DAB1: variants seen among roughly 807,000 people sequenced by gnomAD.
DAB1 encodes the protein DAB adaptor protein 1.
In DAB1, 15 loss-of-function variants were observed where a neutral mutation model predicts 64.6. The ratio of observed to expected loss-of-function variants is 0.23; its 90% CI spans 0.16 to 0.36. The LOEUF (loss-of-function observed/expected upper bound fraction) is 0.36, where lower values mean the gene tolerates loss of function less well. DAB1 is among the 10% of genes least tolerant of loss of function. DAB1 has a pLI of 1.00. For missense variants in DAB1, 596 were observed against 706.7 expected (o/e 0.84, Z 1.78); for synonymous variants, 235 against 251.9 (o/e 0.93, Z 0.64).
intron 1 of DAB1, among the ~76,000 whole-genome samples, chr1:57,306,069 CTGT>C (rs1674135162): frequency 6.6e-6 from 1 of 152,024 alleles, no homozygotes; most frequent in South Asian, 2.1e-4. Context: ...ATTCCCCATG[CTGT>C]TACTTCTTTA....
exon 2 of DAB1, chr1:57,826,117 G>C (rs1180451040): frequency 6.6e-6 from 1 of 152,198 alleles, no homozygotes; most frequent in African/African-American, 2.4e-5. Flanking sequence ...CTCAGAAGAA[G>C]GAAACAGAGA....
chr1:57,282,525 A>C (rs1409895875), intron 2 of DAB1, among the ~76,000 whole-genome samples: 1 of 152,226 alleles, frequency 6.6e-6, no homozygotes, highest in Non-Finnish European at 1.5e-5. Flanking sequence ...AGTTAGAACA[A>C]GGTGCTGAAC....
intron 6 of DAB1, among the ~76,000 whole-genome samples, chr1:57,734,532 T>A (rs531784603): frequency 3.0e-4 from 46 of 152,240 alleles, no homozygotes; most frequent in Admixed American, 5.9e-4. Context: ...GAGGGTCAAA[T>A]CTTGAAACTG....
At chr1:57,507,143 ACC>A (rs1644353634) in intron 7 of DAB1, among the ~76,000 whole-genome samples, 2 of 152,282 alleles carry the variant, frequency 1.3e-5, no homozygotes, top group East Asian at 1.9e-4. Flanking sequence ...TCCTTAGCTT[ACC>A]GTTCAAGGCC....
At chr1:57,217,978 A>T (rs953369790) in intron 2 of DAB1, among the ~76,000 whole-genome samples, 5 of 152,156 alleles carry the variant, frequency 3.3e-5, no homozygotes, top group African/African-American at 1.2e-4. Flanking sequence ...AAAAAAACAC[A>T]AACAGTAATC....
intron 7 of DAB1, among the ~76,000 whole-genome samples, chr1:57,487,017 C>T (rs1644101283): frequency 6.6e-6 from 1 of 151,520 alleles, no homozygotes; most frequent in Non-Finnish European, 1.5e-5. Flanking sequence ...AACAGGTTCC[C>T]AAGGAGGGGA....
At chr1:57,981,092 C>T (rs1440943572) in intron 5 of DAB1, among the ~76,000 whole-genome samples, 1 of 151,972 alleles carries the variant, frequency 6.6e-6, no homozygotes, top group African/African-American at 2.4e-5. Context: ...TCAGAGAGAA[C>T]AAACCTAGCT....
intron 6 of DAB1, among the ~76,000 whole-genome samples, chr1:57,815,923 T>C (rs1381974365): frequency 2.0e-5 from 3 of 152,212 alleles, no homozygotes; most frequent in Non-Finnish European, 4.4e-5. Flanking sequence ...AGGCTGGCAG[T>C]GTCCTTAACA....
At chr1:57,408,627 C>G (rs901994556) in intron 1 of DAB1, among the ~76,000 whole-genome samples, 19 of 152,128 alleles carry the variant, frequency 1.2e-4, no homozygotes, top group African/African-American at 4.3e-4. Flanking sequence ...CAGAGTCCAC[C>G]GCCAGCTGAG....
At chr1:58,269,330 C>A (rs1661255948) in intron 4 of DAB1, among the ~76,000 whole-genome samples, 2 of 151,448 alleles carry the variant, frequency 1.3e-5, no homozygotes, top group Non-Finnish European at 2.9e-5. Flanking sequence ...CATGTCCCTA[C>A]AAAGGACATG....
At chr1:57,756,739 A>G (rs1399722144) in intron 6 of DAB1, among the ~76,000 whole-genome samples, 1 of 152,192 alleles carries the variant, frequency 6.6e-6, no homozygotes, top group Non-Finnish European at 1.5e-5. Context: ...AAAAAGTTGA[A>G]GTCCAGAAAG....
At chr1:57,544,143 C>T (rs551023046) in intron 7 of DAB1, among the ~76,000 whole-genome samples, 4 of 152,214 alleles carry the variant, frequency 2.6e-5, no homozygotes, top group African/African-American at 9.6e-5. Context: ...CAAATATGTA[C>T]ACTTACAGAA....
At chr1:57,581,296 GA>G (rs1645309086) in intron 7 of DAB1, among the ~76,000 whole-genome samples, 1 of 152,080 alleles carries the variant, frequency 6.6e-6, no homozygotes, top group South Asian at 2.1e-4. Context: ...AACTCTAGGG[GA>G]ACAAAAAATA....
At chr1:57,460,295 A>G (rs1686741273) in intron 7 of DAB1, among the ~76,000 whole-genome samples, 1 of 152,182 alleles carries the variant, frequency 6.6e-6, no homozygotes, top group Non-Finnish European at 1.5e-5. Context: ...ATAATATGGT[A>G]AAACCTAATC....
At chr1:57,121,332 T>C (rs1355945753) in intron 4 of DAB1, among the ~76,000 whole-genome samples, 1 of 151,914 alleles carries the variant, frequency 6.6e-6, no homozygotes, top group Non-Finnish European at 1.5e-5. Flanking sequence ...TCCCTCACTC[T>C]CTCTATCAGG....
At chr1:58,196,339 A>T (rs1013371644) in intron 4 of DAB1, among the ~76,000 whole-genome samples, 1 of 152,222 alleles carries the variant, frequency 6.6e-6, no homozygotes, top group Non-Finnish European at 1.5e-5. Flanking sequence ...AAGATCAAGA[A>T]GGCTTCTGCC....
intron 3 of DAB1, among the ~76,000 whole-genome samples, chr1:58,420,370 A>C (rs185106509): frequency 6.6e-6 from 1 of 152,244 alleles, no homozygotes. Context: ...ACCCAGACCC[A>C]AGTCATGGGT....
At chr1:58,024,993 T>C (rs1557614569) in intron 5 of DAB1, among the ~76,000 whole-genome samples, 1 of 152,134 alleles carries the variant, frequency 6.6e-6, no homozygotes, top group Non-Finnish European at 1.5e-5. Flanking sequence ...CAATTCCTTA[T>C]AACAAGTCTA....
chr1:57,367,022 C>T lies in DAB1; in HGVS notation c.-137+56908G>A, dbSNP rs549335886. ...AGGAGTTCGAGACCAGCCTGGGCAA[C>T]ACAGTGAGACCCTGTCTCCACAAAA... On this transcript the variant is annotated intron_variant, in intron 1 of 14. Transcript: ENST00000371236. Among the ~76,000 whole-genome samples, 46 of 133,146 alleles carry T rather than the reference C, an allele frequency of 3.5e-4. 3 individuals carry two copies. The South Asian group carries it at 0.01, about 30-fold the overall frequency. 87.3% of individuals were successfully genotyped at this position (133,146 alleles called of 152,430 possible). A position where few individuals can be genotyped will look rare whatever the true frequency, so the allele number is the denominator to read the frequency against.
Sources: allele counts gnomAD v4.1 joint callset (sites outside exome capture counted in the v4.1 genomes callset), GRCh38; gene constraint gnomAD v4.1.1; transcripts MANE v1.5; gene names NCBI Gene and HGNC (gene_info 2026-07-23, HGNC 2026-07-21).